PDZD2: variants seen among roughly 807,000 people sequenced by gnomAD.
PDZD2 encodes PDZ domain-containing protein 2.
PDZD2 carries 90 observed loss-of-function variants against 220.7 expected under a neutral mutation model. That is an observed-to-expected ratio of 0.41 (90% CI 0.34 to 0.49). PDZD2 has a LOEUF of 0.49. Among genes scored for constraint, PDZD2 ranks in the 20% least tolerant of loss-of-function variants. PDZD2 has a pLI of 0.28. For missense variants in PDZD2, 3,174 were observed against 3,608.5 expected, an observed-to-expected ratio of 0.88 and a Z score of 3.08; for synonymous variants, 1,375 against 1,450.5, an observed-to-expected ratio of 0.95 and a Z score of 1.18.
At chr5:31,957,279 C>T (rs1747794538) in intron 2 of PDZD2, among the ~76,000 whole-genome samples, 1 of 152,108 alleles carries the variant, frequency 6.6e-6, no homozygotes, top group South Asian at 2.1e-4. Flanking sequence ...CACTTAATGC[C>T]TATTGGCTCC....
At chr5:31,857,999 TATTTTTAGTAGA>T (rs1758609071) in intron 2 of PDZD2, among the ~76,000 whole-genome samples, 1 of 152,294 alleles carries the variant, frequency 6.6e-6, no homozygotes, top group South Asian at 2.1e-4. Flanking sequence ...CTAATTTTTG[TATTTTTAGTAGA>T]GACGGGATTT....
intron 2 of PDZD2, among the ~76,000 whole-genome samples, chr5:31,924,503 T>C (rs1744570413): frequency 6.6e-6 from 1 of 152,234 alleles, no homozygotes; most frequent in African/African-American, 2.4e-5. Flanking sequence ...CCCATGGTGA[T>C]AGGTCCCTGT....
intron 1 of PDZD2, among the ~76,000 whole-genome samples, chr5:31,757,410 T>C (rs926817348): frequency 6.6e-6 from 1 of 151,934 alleles, no homozygotes; most frequent in African/African-American, 2.4e-5. Context: ...GCTAACACGG[T>C]GAAACCCCAT....
At chr5:32,010,267 CT>C in intron 5 of PDZD2, 62 bp from the exon 6 acceptor site, 1 of 1,271,352 alleles carries the variant, frequency 7.9e-7, no homozygotes, top group Non-Finnish European at 1.1e-6. Context: ...GCCAGGTTGC[CT>C]TCAAGAACTG....
chr5:31,992,864 G>GAAAAAA (rs11442724), intron 3 of PDZD2, among the ~76,000 whole-genome samples: 1 of 140,462 alleles, frequency 7.1e-6, no homozygotes, highest in Admixed American at 7.0e-5. Context: ...CTCTTCCATG[G>GAAAAAA]AAAAAAAAAA....
In PDZD2 at chr5:32,009,403, A is replaced by G. The variant is rs555487857; in HGVS notation, c.1255-927A>G. 3.9e-5 allele frequency among the ~76,000 whole-genome samples: 6 copies of G among 152,146 alleles called. No homozygotes were observed. In the South Asian group the frequency reaches 8.3e-4, roughly 21 times the overall value. ...AAAAAAGATGCTGACCTCTTTAGAC[A>G]GCATCCTGAAAGCAGTCCAGGGGAG... On this transcript the variant is annotated intron_variant, in intron 5 of 24. Coordinates refer to ENST00000438447, the MANE Select transcript of PDZD2 (RefSeq NM_178140.4).
At chr5:31,981,750 CGTT>C (rs1358892892) in intron 2 of PDZD2, among the ~76,000 whole-genome samples, 1 of 152,118 alleles carries the variant, frequency 6.6e-6, no homozygotes, top group Non-Finnish European at 1.5e-5. Flanking sequence ...GTGGAGAAGG[CGTT>C]GTCCTGGGTT....
intron 1 of PDZD2, among the ~76,000 whole-genome samples, chr5:31,751,389 G>A (rs1750964547): frequency 6.6e-6 from 1 of 152,130 alleles, no homozygotes; most frequent in African/African-American, 2.4e-5. Flanking sequence ...GGTGGGAAAT[G>A]ATGGGGGCTT....
chr5:32,003,702 T>A (rs76738727), intron 5 of PDZD2, among the ~76,000 whole-genome samples: 5,943 of 152,148 alleles, frequency 0.039, 299 homozygotes, highest in African/African-American at 0.12. Context: ...TTTTTGTTTT[T>A]GTTTTTGTTT....
intron 1 of PDZD2, among the ~76,000 whole-genome samples, chr5:31,695,464 T>C (rs1747340789): frequency 6.6e-6 from 1 of 152,226 alleles, no homozygotes; most frequent in African/African-American, 2.4e-5. Flanking sequence ...CTTACTTCAG[T>C]GTAATCCCAG....
intron 14 of PDZD2, among the ~76,000 whole-genome samples, chr5:32,069,329 G>A (rs75288366): frequency 0.025 from 3,839 of 151,846 alleles, 73 homozygotes; most frequent in Non-Finnish European, 0.042. Flanking sequence ...TGTGTTGTTG[G>A]TAATCATAGC....
At chr5:31,656,564 G>A (rs767045242) in intron 1 of PDZD2, among the ~76,000 whole-genome samples, 2 of 152,128 alleles carry the variant, frequency 1.3e-5, no homozygotes, top group African/African-American at 4.8e-5. Flanking sequence ...CACCATTGCC[G>A]AGGGGAAGGG....
At chr5:32,018,005 A>G (rs1241229524) in intron 6 of PDZD2, among the ~76,000 whole-genome samples, 1 of 152,222 alleles carries the variant, frequency 6.6e-6, no homozygotes, top group Non-Finnish European at 1.5e-5. Context: ...CTCCACTGAT[A>G]GCAAACTTGT....
intron 2 of PDZD2, among the ~76,000 whole-genome samples, chr5:31,848,740 C>CTCCATCTCAGAAAATGAACT (rs1215590477): frequency 7.8e-6 from 1 of 127,390 alleles, no homozygotes. Flanking sequence ...CAGAGTGAGA[C>CTCCATCTCAGAAAATGAACT]TGTCAAAAAA....
chr5:32,045,750 T>G (rs1737886004), intron 7 of PDZD2, among the ~76,000 whole-genome samples: 1 of 151,990 alleles, frequency 6.6e-6, no homozygotes, highest in Admixed American at 6.6e-5. Flanking sequence ...AGAACAAAAT[T>G]TGTCTTGATT....
chr5:31,821,590 A>G (rs1203927474), intron 2 of PDZD2, among the ~76,000 whole-genome samples: 1 of 152,134 alleles, frequency 6.6e-6, no homozygotes, highest in Non-Finnish European at 1.5e-5. Flanking sequence ...CATGTTGGCC[A>G]GGATGGTCTC....
intron 1 of PDZD2, among the ~76,000 whole-genome samples, chr5:31,660,895 TTTTTG>T (rs1268267269): frequency 3.3e-5 from 5 of 152,104 alleles, no homozygotes; most frequent in South Asian, 2.1e-4. Flanking sequence ...CCCAGTGAAT[TTTTTG>T]TTTTGTTTTG....
chr5:32,030,651 G>T (rs1755048841), intron 6 of PDZD2, among the ~76,000 whole-genome samples: 1 of 152,008 alleles, frequency 6.6e-6, no homozygotes. Flanking sequence ...TAATATACAG[G>T]GTCCATCACT....
At chr5:31,672,199 T>G (rs1746241241) in intron 1 of PDZD2, among the ~76,000 whole-genome samples, 2 of 152,144 alleles carry the variant, frequency 1.3e-5, no homozygotes, top group South Asian at 4.1e-4. Flanking sequence ...CTTCTCAGAC[T>G]TGAATGTATG....
Sources: gnomAD v4.1 joint callset for allele counts (sites outside exome capture counted in the v4.1 genomes callset) on GRCh38, gnomAD v4.1.1 for gene constraint, MANE v1.5 for transcripts, NCBI Gene and HGNC (gene_info 2026-07-23, HGNC 2026-07-21) for gene names.